TRPM6: variants seen among roughly 807,000 people sequenced by gnomAD.
TRPM6 encodes the protein transient receptor potential cation channel subfamily M member 6.
A neutral mutation model predicts 247.6 loss-of-function variants in TRPM6; 111 were observed. The ratio of observed to expected loss-of-function variants is 0.45; its 90% CI spans 0.38 to 0.52. The LOEUF is 0.52. Ranked by LOEUF, TRPM6 falls within the 20% of genes least tolerant of loss-of-function variation. The pLI, the probability that TRPM6 is intolerant of heterozygous loss-of-function variation, is 0.00. For missense variants in TRPM6, 2,126 were observed against 2,421.5 expected (o/e 0.88, Z 2.56); for synonymous variants, 892 against 853.8 (o/e 1.04, Z -0.78).
chr9:74,784,833 G>A (rs1256444220), intron 21 of TRPM6, among the ~76,000 whole-genome samples: 2 of 152,164 alleles, frequency 1.3e-5, no homozygotes, highest in African/African-American at 2.4e-5. Context: ...CCAAGATAGC[G>A]AGGCACAATG....
At chr9:74,887,736 C>T (rs1307158808) in intron 1 of TRPM6, 88 bp downstream of exon 1, 1 of 1,613,486 alleles carries the variant, frequency 6.2e-7, no homozygotes, top group Non-Finnish European at 8.5e-7. Flanking sequence ...GTCCCTGGCC[C>T]CACCCACTTC....
At chr9:74,749,970 T>C (rs1444134154) in intron 30 of TRPM6, among the ~76,000 whole-genome samples, 1 of 152,230 alleles carries the variant, frequency 6.6e-6, no homozygotes, top group Non-Finnish European at 1.5e-5. Flanking sequence ...CCTGTATGAA[T>C]AGTTAATGTG....
chr9:74,782,891 G>A, intron 21 of TRPM6, 38 bp from the exon 22 acceptor site: 1 of 1,601,550 alleles, frequency 6.2e-7, no homozygotes, highest in African/African-American at 1.3e-5. Flanking sequence ...TTTTACCACA[G>A]ATTTGAAGTT....
chr9:74,882,292 A>G (rs577625667), intron 1 of TRPM6, among the ~76,000 whole-genome samples: 6 of 152,226 alleles, frequency 3.9e-5, no homozygotes, highest in Non-Finnish European at 8.8e-5. Context: ...TGCACAGTGA[A>G]GGAAACAATC....
At chr9:74,728,962 C>T (rs1391147376) in intron 37 of TRPM6, among the ~76,000 whole-genome samples, 4 of 152,228 alleles carry the variant, frequency 2.6e-5, no homozygotes, top group South Asian at 2.1e-4. Context: ...TACATATGCT[C>T]GATGTAGGTG....
At chr9:74,854,114 G>T (rs1046000431) in intron 3 of TRPM6, among the ~76,000 whole-genome samples, 2 of 152,136 alleles carry the variant, frequency 1.3e-5, no homozygotes, top group Admixed American at 6.5e-5. Context: ...AGAAATGAGT[G>T]AGACTAGGAG....
At chr9:74,883,951 A>C (rs377651433) in intron 1 of TRPM6, among the ~76,000 whole-genome samples, 23 of 152,214 alleles carry the variant, frequency 1.5e-4, no homozygotes, top group African/African-American at 5.5e-4. Context: ...GGAGTTCGAG[A>C]CCATCCTGAC....
At chr9:74,731,242 G>A (rs1825508818) in intron 37 of TRPM6, among the ~76,000 whole-genome samples, 1 of 152,054 alleles carries the variant, frequency 6.6e-6, no homozygotes, top group Non-Finnish European at 1.5e-5. Context: ...GATAGATGGG[G>A]TATACATAAA....
Position 74,792,634 on chromosome 9 carries a change from C to T in TRPM6, c.2528G>A (p.Trp843Ter). The change falls in exon 19 of 39, where the codon TGG becomes TAG. Residue 843 changes from tryptophan to a stop codon, truncating the protein, a stop_gained. Transcript: ENST00000360774. LOFTEE classifies it high-confidence loss of function. ...TGCAATGAGACCAACCGTATAAAACCAAAACTTGACAATTGGAGCACTGTA... is the reference window on the plus strand; with the variant it reads ...TGCAATGAGACCAACCGTATAAAACTAAAACTTGACAATTGGAGCACTGTA... The part of the protein sequence containing the change: ...EFYSAPIVKF[W>*]FYTMAYLAFL... The T allele has an allele frequency of 1.2e-6, 2 of 1,613,970 alleles. No homozygotes were observed. The highest frequency in any genetic ancestry group is 1.7e-6 in the Non-Finnish European group (2 of 1,179,976).
intron 9 of TRPM6, among the ~76,000 whole-genome samples, chr9:74,819,105 C>T (rs1325848756): frequency 6.6e-6 from 1 of 151,998 alleles, no homozygotes; most frequent in Non-Finnish European, 1.5e-5. Context: ...GCCAGGAGTT[C>T]GAGACCAGCT....
intron 37 of TRPM6, among the ~76,000 whole-genome samples, chr9:74,730,151 A>T (rs1411689161): frequency 6.6e-6 from 1 of 152,160 alleles, no homozygotes; most frequent in Non-Finnish European, 1.5e-5. Context: ...GATTTTTCAC[A>T]ACACAGGAAA....
rs1048572511 is a variant in TRPM6 at position 74,857,950 on chromosome 9, A to C, written c.113+719T>G. ...CAGAAAATGTAATTTATTGATTCCA[A>C]CCCACTGAAATGGATGTAACACTAG... On this transcript the variant is annotated intron_variant, in intron 2 of 38. Coordinates refer to ENST00000360774, the MANE Select transcript of TRPM6 (RefSeq NM_017662.5). 3.3e-5 allele frequency among the ~76,000 whole-genome samples: 5 copies of C among 152,294 alleles called. No individual in the cohort carries two copies. The South Asian group carries it at 6.2e-4, about 19-fold the overall frequency.
chr9:74,731,236 G>C (rs1825508568), intron 37 of TRPM6, among the ~76,000 whole-genome samples: 1 of 152,224 alleles, frequency 6.6e-6, no homozygotes, highest in Non-Finnish European at 1.5e-5. Context: ...ATAAATGATA[G>C]ATGGGGTATA....
At chr9:74,861,756 G>A (rs899814225) in intron 1 of TRPM6, among the ~76,000 whole-genome samples, 1 of 152,022 alleles carries the variant, frequency 6.6e-6, no homozygotes, top group African/African-American at 2.4e-5. Context: ...TTGGGTTAAT[G>A]GTCTGGGAAC....
rs927451231 is a variant in TRPM6, at chr9:74,782,332, A to G, written c.3209+30T>C. 10 of 1,526,932 alleles carry G rather than the reference A, an allele frequency of 6.5e-6. 1 individual carries two copies. The African/African-American group carries it at 1.4e-4, about 21-fold the overall frequency. The allele number at this position is 1,526,932 out of a possible 1,614,324, so 94.6% of individuals were successfully genotyped here. A position where few individuals can be genotyped will look rare whatever the true frequency, so the allele number is the denominator to read the frequency against. ...ACATATCTGCCCACATTTCTTATTT[A>G]AATAATCATATTTAATTGAAATAAC... On this transcript the variant is annotated intron_variant, in intron 23 of 38. Transcript: ENST00000360774.
intron 26 of TRPM6, 37 bp downstream of exon 26, chr9:74,761,962 G>C (rs1473215487): frequency 3.7e-6 from 6 of 1,600,082 alleles, no homozygotes; most frequent in Middle Eastern, 1.7e-4. Context: ...GCAATGCAAA[G>C]GACTTAATGC....
Position 74,747,874 on chromosome 9 carries a change from A to G in TRPM6, c.5083+15T>C. The G allele has an allele frequency of 1.2e-6, 2 of 1,600,032 alleles. No homozygotes were observed. The highest frequency in any genetic ancestry group is 1.7e-6 in the Non-Finnish European group (2 of 1,170,288). On this transcript the variant is annotated intron_variant, in intron 31 of 38. Transcript: ENST00000360774. ...GAAAAAATAAAAAATAAAATGTTTA[A>G]ACAGAAAAACTTACTGTCAACTCCA...
chr9:74,775,977 T>TG lies in TRPM6; in HGVS notation c.3308dup (p.Pro1104ThrfsTer28). The TG allele has an allele frequency of 6.2e-7, 1 of 1,613,796 alleles. No individual in the cohort carries two copies. Among genetic ancestry groups the TG allele is most frequent in the Non-Finnish European group, 8.5e-7 (1 of 1,179,936 alleles). Reference sequence around the variant, plus strand: ...CCACGTGGCTCAGCAGGATGAGAGGTGGGGGCAGCCAGGGCTTCTCGTGGT... The same window carrying TG: ...CCACGTGGCTCAGCAGGATGAGAGGTGGGGGGCAGCCAGGGCTTCTCGTGGT... On this transcript the variant is annotated frameshift_variant, in exon 24 of 39. Transcript: ENST00000360774. LOFTEE classifies it high-confidence loss of function.
At chr9:74,882,365 G>T (rs1430401610) in intron 1 of TRPM6, among the ~76,000 whole-genome samples, 1 of 152,052 alleles carries the variant, frequency 6.6e-6, no homozygotes, top group Non-Finnish European at 1.5e-5. Context: ...TATTTGACAG[G>T]GGACTAATAT....
Sources: gnomAD v4.1 joint callset for allele counts (sites outside exome capture counted in the v4.1 genomes callset) on GRCh38, gnomAD v4.1.1 for gene constraint, MANE v1.5 for transcripts, NCBI Gene and HGNC (gene_info 2026-07-23, HGNC 2026-07-21) for gene names.